Variants in PER2 observed in about 807,000 individuals in gnomAD.
PER2 encodes period circadian regulator 2.
A neutral mutation model predicts 121.0 loss-of-function variants in PER2; 66 were observed. That is an observed-to-expected ratio of 0.55 (90% CI 0.45 to 0.67). PER2 has a LOEUF of 0.67. PER2 is among the 30% of genes least tolerant of loss of function. PER2 has a pLI of 0.00. For missense variants in PER2, 1,521 were observed against 1,635.0 expected, an observed-to-expected ratio of 0.93 and a Z score of 1.20; for synonymous variants, 684 against 659.9, an observed-to-expected ratio of 1.04 and a Z score of -0.56.
Position 238,260,948 on chromosome 2 carries a change from G to A in PER2, c.1422C>T (p.Val474=). 1.2e-6 allele frequency: 2 copies of A among 1,612,932 alleles called. No homozygotes were observed. Among genetic ancestry groups the A allele is most frequent in the Non-Finnish European group, 8.5e-7 (1 of 1,179,958 alleles). ...EQIHRLLLQP[V]PHSGSSGYGS... is the part of the protein sequence containing the mutation. ...CGTAGCCACTGGAGCCGCTGTGGGG[G>A]ACGGGCTGGGGAGACAGCAGACAGC... is the stretch of plus-strand genomic sequence containing the variant. Residue 474 remains valine (V), a synonymous_variant, in exon 13 of 23, where the codon GTC becomes GTT. Coordinates refer to ENST00000254657, the MANE Select transcript of PER2 (RefSeq NM_022817.3).
chr2:238,253,164 G>T lies in PER2; in HGVS notation c.2859C>A (p.Thr953=). The change falls in exon 19 of 23, where the codon ACC becomes ACA. Residue 953 remains threonine, a synonymous_variant. Coordinates refer to ENST00000254657, the MANE Select transcript of PER2 (RefSeq NM_022817.3). This position sits in a 1 kb window ranked among gnomAD's most constrained non-coding sequence, Gnocchi z 5.6. The part of the protein sequence containing the change: ...SASQPEFPSR[T]SIPRQPCACP... ...AAGCACATGGCTGTCTGGGGATCGA[G>T]GTCCGGCTGGGGAACTCAGGCTGTG... 1 of 1,595,632 alleles carries T rather than the reference G, an allele frequency of 6.3e-7. No homozygotes were observed. The highest frequency in any genetic ancestry group is 1.7e-4 in the Middle Eastern group (1 of 5,966).
chr2:238,265,350 A>G (rs1696061131), intron 9 of PER2, among the ~76,000 whole-genome samples, 162 bp downstream of exon 9: 1 of 152,262 alleles, frequency 6.6e-6, no homozygotes, highest in South Asian at 2.1e-4. Context: ...TGCATATCTT[A>G]GGAAGTTTTC....
intron 6 of PER2, among the ~76,000 whole-genome samples, chr2:238,269,674 C>G (rs1463908858): frequency 6.6e-6 from 1 of 152,106 alleles, no homozygotes; most frequent in Non-Finnish European, 1.5e-5. Context: ...ACACGGTGCA[C>G]TGCTGCAAAC....
At chr2:238,296,079 G>A in the PER2 span, among the ~76,000 whole-genome samples, 1 of 76,252 alleles carries the variant, frequency 1.3e-5, no homozygotes, top group Non-Finnish European at 2.7e-5. Context: ...TCAGTCGTGT[G>A]CCCTCCTGCT....
chr2:238,265,699 A>G, intron 8 of PER2, 109 bp from the exon 9 acceptor site: 1 of 748,534 alleles, frequency 1.3e-6, no homozygotes, highest in Non-Finnish European at 2.4e-6. Flanking sequence ...TGAGCAGCTA[A>G]AGAAAAAAAT....
chr2:238,298,292 C>T, the PER2 span: 5 of 152,454 alleles, frequency 3.3e-5, no homozygotes, highest in Middle Eastern at 3.1e-3. Flanking sequence ...ACTCATCCCC[C>T]CAGAGTGCTG....
At chr2:238,281,659 A>ATC (rs1696632831) in intron 1 of PER2, among the ~76,000 whole-genome samples, 1 of 152,232 alleles carries the variant, frequency 6.6e-6, no homozygotes, top group African/African-American at 2.4e-5. Context: ...CCTCATTAGC[A>ATC]TCAGGAAAAT....
chr2:238,256,868 G>A, intron 17 of PER2, 54 bp downstream of exon 17: 4 of 1,569,052 alleles, frequency 2.5e-6, no homozygotes, highest in Non-Finnish European at 3.5e-6. Flanking sequence ...CAAACTTCTT[G>A]TTTTCATGGT....
At chr2:238,267,278 G>C (rs1480310784) in intron 8 of PER2, among the ~76,000 whole-genome samples, 2 of 152,190 alleles carry the variant, frequency 1.3e-5, no homozygotes, top group Non-Finnish European at 2.9e-5. Flanking sequence ...GCTCTTAAGA[G>C]GGACCACAGG....
chr2:238,249,088 C>A lies in PER2; in HGVS notation c.3592G>T (p.Gly1198Cys). The stretch of plus-strand genomic sequence containing the variant: ...GCCACGTCGATGGCTGCGGGCAGGC[C>A]GCCCGTCTGCATCCACTGGTGGACC... ...REVHQWMQTG[G>C]LPAAIDVAEC... The change falls in exon 22 of 23, where the codon GGC becomes TGC. Residue 1198 changes from glycine (G) to cysteine (C), a missense_variant. Coordinates refer to ENST00000254657, the MANE Select transcript of PER2 (RefSeq NM_022817.3). 1 of 1,614,148 alleles carries A rather than the reference C, an allele frequency of 6.2e-7. No individual in the cohort carries two copies. Among genetic ancestry groups the A allele is most frequent in the Non-Finnish European group, 8.5e-7 (1 of 1,180,006 alleles).
upstream of PER2, among the ~76,000 whole-genome samples, chr2:238,292,586 AC>A (rs1467357961): frequency 1.3e-5 from 2 of 152,192 alleles, no homozygotes; most frequent in African/African-American, 4.8e-5. Flanking sequence ...GTATTTCACC[AC>A]CAGGTATGAT....
At chr2:238,299,932 T>G in the PER2 span, 1 of 152,262 alleles carries the variant, frequency 6.6e-6, no homozygotes, top group African/African-American at 2.4e-5. Context: ...TGGTCAGAAC[T>G]GTCCTGTTCT....
At chr2:238,248,178 G>A (rs145852943) in intron 22 of PER2, among the ~76,000 whole-genome samples, 1,584 of 152,328 alleles carry the variant, frequency 0.01, 9 homozygotes, top group Admixed American at 0.022. Context: ...GAAGAGCACA[G>A]GGCCTGGAGA....
Position 238,267,948 on chromosome 2 carries a change from G to C in PER2, c.967+108C>G, listed in dbSNP as rs75005584. The stretch of plus-strand genomic sequence containing the variant: ...AGGTGAGGTGGAGAGGCCAAGGCTG[G>C]GGAACTGCAGCGGGGAGTCCATCGT... On this transcript the variant is annotated intron_variant, in intron 8 of 22. Transcript: ENST00000254657. The C allele has an allele frequency of 9.4e-5, 121 of 1,282,250 alleles. No individual in the cohort carries two copies. The East Asian group carries it at 2.8e-3, about 29-fold the overall frequency. The allele number at this position is 1,282,250 out of a possible 1,614,324, so 79.4% of individuals were successfully genotyped here. A position where few individuals can be genotyped will look rare whatever the true frequency, so the allele number is the denominator to read the frequency against.
At chr2:238,261,000 G>A (rs770844591) in intron 12 of PER2, 47 bp from the exon 13 acceptor site, 14 of 1,598,222 alleles carry the variant, frequency 8.8e-6, no homozygotes, top group African/African-American at 1.3e-5. Context: ...GGGCTGCTGA[G>A]CTATGCATGT....
chr2:238,294,144 C>T (rs1015688569), upstream of PER2, among the ~76,000 whole-genome samples: 2 of 152,216 alleles, frequency 1.3e-5, no homozygotes, highest in African/African-American at 2.4e-5. Context: ...TGGAGGGTCT[C>T]TCATCGGTCA....
intron 8 of PER2, among the ~76,000 whole-genome samples, chr2:238,267,006 C>A (rs921994409): frequency 6.7e-6 from 1 of 150,276 alleles, no homozygotes; most frequent in Non-Finnish European, 1.5e-5. Context: ...CAAGATAGCA[C>A]CACTGCACTC....
chr2:238,250,452 G>A, intron 21 of PER2, 99 bp downstream of exon 21: 2 of 829,098 alleles, frequency 2.4e-6, no homozygotes, highest in Non-Finnish European at 2.0e-6. Context: ...TCTTTCAGAG[G>A]GGCGTCCCGC....
At position 238,252,929 on chromosome 2, in the gene PER2, G is replaced by A; in HGVS notation, c.3094C>T (p.Pro1032Ser). ...ATCCTTACGGTCAGAGGCGCCTTCGGCTGCTGGTCCCGAGAAGTGCCAGGT... is the reference window on the plus strand; with the variant it reads ...ATCCTTACGGTCAGAGGCGCCTTCGACTGCTGGTCCCGAGAAGTGCCAGGT... Reference protein sequence around the residue: ...CKPGTSRDQQPKAPLTRDEPS... With the variant: ...CKPGTSRDQQSKAPLTRDEPS... Residue 1032 changes from proline (P) to serine (S), a missense_variant, in exon 19 of 23, where the codon CCG becomes TCG. By Grantham distance (74) the Pro-to-Ser change is moderately conservative. Coordinates refer to ENST00000254657, the MANE Select transcript of PER2 (RefSeq NM_022817.3). This position sits in a 1 kb window ranked among gnomAD's most constrained non-coding sequence, Gnocchi z 4.2. The A allele has an allele frequency of 1.2e-6, 2 of 1,613,636 alleles. No homozygotes were observed. Among genetic ancestry groups the A allele is most frequent in the Non-Finnish European group, 1.7e-6 (2 of 1,180,028 alleles).
Sources: allele counts gnomAD v4.1 joint callset (sites outside exome capture counted in the v4.1 genomes callset), GRCh38; gene constraint gnomAD v4.1.1; non-coding constraint Gnocchi (gnomAD v3.1); transcripts MANE v1.5; gene names NCBI Gene and HGNC (gene_info 2026-07-23, HGNC 2026-07-21).